The following C19orf47 variants were observed in gnomAD, a reference collection of about 807,000 sequenced individuals.
C19orf47 encodes the protein uncharacterized protein C19orf47.
C19orf47 carries 18 observed loss-of-function variants against 32.3 expected under a neutral mutation model. That is an observed-to-expected ratio of 0.56 (90% CI 0.39 to 0.83). The LOEUF (loss-of-function observed/expected upper bound fraction) is 0.83. Among genes scored for constraint, C19orf47 ranks in the 40% least tolerant of loss-of-function variants. The probability of loss-of-function intolerance (pLI) is 0.00; values close to 1 mark genes in which losing one functional copy is unlikely to be tolerated. For synonymous variants in C19orf47, 202 were observed against 211.1 expected (o/e 0.96, Z 0.37); for missense variants, 484 against 531.6 (o/e 0.91, Z 0.88).
At chr19:40,294,006 G>A in the C19orf47 span, among the ~76,000 whole-genome samples, 1 of 152,018 alleles carries the variant, frequency 6.6e-6, no homozygotes, top group South Asian at 2.1e-4. Flanking sequence ...TGTAATTCCA[G>A]CTACTTAAGA....
the C19orf47 span, among the ~76,000 whole-genome samples, chr19:40,309,193 C>CTT: frequency 1.6e-4 from 23 of 141,714 alleles, no homozygotes; most frequent in African/African-American, 2.4e-4. Context: ...TTCTCTCTCT[C>CTT]TTTTTTTTTT....
At chr19:40,338,692 A>AT (rs1418572358) in intron 2 of C19orf47, among the ~76,000 whole-genome samples, 1 of 151,402 alleles carries the variant, frequency 6.6e-6, no homozygotes, top group Non-Finnish European at 1.5e-5. Context: ...ATTTTTTTGT[A>AT]TTTTTTATAG....
Position 40,322,522 on chromosome 19 carries a change from T to C in C19orf47, c.664-146A>G, listed in dbSNP as rs78893707. 2.4e-3 allele frequency: 2,671 copies of C among 1,108,030 alleles called. 38 individuals carry two copies. The African/African-American group carries it at 0.034, about 14-fold the overall frequency. 68.6% of individuals were successfully genotyped at this position (1,108,030 alleles called of 1,614,324 possible). On this transcript the variant is annotated intron_variant, in intron 8 of 8. Transcript: ENST00000683109. The stretch of plus-strand genomic sequence containing the variant: ...ACACCCCAGATAGTGGCGAGAGCCA[T>C]GATGGGGGAGTCCAGGGGACTGGAG...
chr19:40,318,858 G>A (rs762705963), downstream of C19orf47, among the ~76,000 whole-genome samples: 11 of 152,132 alleles, frequency 7.2e-5, no homozygotes, highest in Non-Finnish European at 1.5e-4. Context: ...CCAATATGAC[G>A]TAACTGAAAA....
At chr19:40,332,288 CAG>C (rs2077969810) in intron 5 of C19orf47, among the ~76,000 whole-genome samples, 1 of 151,698 alleles carries the variant, frequency 6.6e-6, no homozygotes, top group African/African-American at 2.4e-5. Context: ...ACCTGGGAGG[CAG>C]AGTTTGCAGT....
the C19orf47 span, among the ~76,000 whole-genome samples, chr19:40,309,040 CA>C: frequency 6.6e-6 from 1 of 152,108 alleles, no homozygotes; most frequent in Non-Finnish European, 1.5e-5. Flanking sequence ...CCAGCCTAGG[CA>C]GCACAGTGAG....
At chr19:40,313,417 T>G in the C19orf47 span, among the ~76,000 whole-genome samples, 1 of 152,108 alleles carries the variant, frequency 6.6e-6, no homozygotes, top group Non-Finnish European at 1.5e-5. Context: ...TTCTACCTGT[T>G]GCGCTCAAGT....
chr19:40,310,057 T>C, the C19orf47 span, among the ~76,000 whole-genome samples: 1 of 152,326 alleles, frequency 6.6e-6, no homozygotes, highest in South Asian at 2.1e-4. Flanking sequence ...CTACACAGAA[T>C]ACTTGTACCT....
At chr19:40,343,978 T>C (rs942092830) in intron 1 of C19orf47, among the ~76,000 whole-genome samples, 25 of 151,706 alleles carry the variant, frequency 1.6e-4, no homozygotes, top group Non-Finnish European at 3.2e-4. Flanking sequence ...GTATTTTTAG[T>C]ACAGATGGGG....
At chr19:40,317,874 C>T (rs1377526765), downstream of C19orf47, among the ~76,000 whole-genome samples, 2 of 152,110 alleles carry the variant, frequency 1.3e-5, no homozygotes, top group Non-Finnish European at 2.9e-5. Context: ...CGTGCACCAA[C>T]ACACCGGCCA....
At chr19:40,326,583 A>G in intron 6 of C19orf47, 97 bp from the exon 7 acceptor site, 2 of 1,402,056 alleles carry the variant, frequency 1.4e-6, no homozygotes, top group Non-Finnish European at 1.9e-6. Flanking sequence ...CCACACATTC[A>G]TGACTGGAAT....
intron 1 of C19orf47, among the ~76,000 whole-genome samples, chr19:40,345,141 C>A (rs748047435): frequency 6.6e-6 from 1 of 152,154 alleles, no homozygotes; most frequent in Non-Finnish European, 1.5e-5. Context: ...TATTCTCCCC[C>A]AAGTGCTACA....
At chr19:40,323,768 G>C (rs1393401889) in intron 8 of C19orf47, among the ~76,000 whole-genome samples, 1 of 152,146 alleles carries the variant, frequency 6.6e-6, no homozygotes, top group African/African-American at 2.4e-5. Context: ...GACCAGTTGG[G>C]GACATGGTGG....
chr19:40,298,301 C>CAAAAAAAAAAAAAAAA, the C19orf47 span, among the ~76,000 whole-genome samples: 2 of 71,066 alleles, frequency 2.8e-5, no homozygotes, highest in African/African-American at 4.6e-5. Flanking sequence ...AACATTGTCT[C>CAAAAAAAAAAAAAAAA]AAAAAAAAAA....
At chr19:40,298,885 T>C in the C19orf47 span, among the ~76,000 whole-genome samples, 2 of 151,846 alleles carry the variant, frequency 1.3e-5, no homozygotes, top group African/African-American at 2.4e-5. Flanking sequence ...GAGAGAATCT[T>C]TTGTGGTCAA....
intron 2 of C19orf47, 86 bp downstream of exon 2, chr19:40,341,753 C>G: frequency 6.6e-7 from 1 of 1,520,162 alleles, no homozygotes; most frequent in South Asian, 1.2e-5. Flanking sequence ...AGTCCTCCCT[C>G]CCCCATCCCA....
downstream of C19orf47, among the ~76,000 whole-genome samples, chr19:40,315,704 C>T (rs538098545): frequency 1.5e-4 from 22 of 151,592 alleles, no homozygotes; most frequent in African/African-American, 5.3e-4. Context: ...TGCTTGAACC[C>T]GGCAGACGCA....
At chr19:40,301,987 C>T in the C19orf47 span, among the ~76,000 whole-genome samples, 12 of 151,910 alleles carry the variant, frequency 7.9e-5, no homozygotes, top group African/African-American at 2.4e-4. Context: ...TGGAGAAACC[C>T]CATCTCTACT....
chr19:40,311,650 C>G, the C19orf47 span, among the ~76,000 whole-genome samples: 16 of 152,216 alleles, frequency 1.1e-4, no homozygotes, highest in Admixed American at 8.5e-4. Flanking sequence ...GTGGCGGAGT[C>G]CCTCACATGA....
Sources: gnomAD v4.1 joint callset for allele counts (sites outside exome capture counted in the v4.1 genomes callset) on GRCh38, gnomAD v4.1.1 for gene constraint, MANE v1.5 for transcripts, NCBI Gene and HGNC (gene_info 2026-07-23, HGNC 2026-07-21) for gene names.